Variants in BICC1 observed in about 807,000 individuals in gnomAD.
BICC1 encodes BicC family RNA binding protein 1, also known as protein bicaudal C homolog 1.
BICC1 carries 43 observed loss-of-function variants against 111.0 expected under a neutral mutation model. The observed-to-expected ratio is 0.39, with a 90% CI of 0.30 to 0.50. BICC1 has a LOEUF of 0.50. BICC1 is among the 20% of genes least tolerant of loss of function. The probability of loss-of-function intolerance (pLI) is 0.88; values close to 1 mark genes in which losing one functional copy is unlikely to be tolerated. For synonymous variants in BICC1, 467 were observed against 434.4 expected (o/e 1.07, Z -0.93); for missense variants, 1,091 against 1,203.2 (o/e 0.91, Z 1.38).
intron 3 of BICC1, among the ~76,000 whole-genome samples, chr10:58,719,381 C>G (rs145624567): frequency 1.3e-5 from 2 of 152,330 alleles, no homozygotes; most frequent in East Asian, 3.9e-4. Flanking sequence ...CCAACTCCTA[C>G]TCATCCTCAC....
At chr10:58,710,715 T>C (rs1184486175) in intron 3 of BICC1, among the ~76,000 whole-genome samples, 4 of 152,168 alleles carry the variant, frequency 2.6e-5, no homozygotes, top group Admixed American at 2.6e-4. Context: ...CTTGTTGTGT[T>C]GGTTTTCTTT....
intron 20 of BICC1, among the ~76,000 whole-genome samples, chr10:58,822,051 C>G (rs1356723796): frequency 6.6e-6 from 1 of 152,102 alleles, no homozygotes; most frequent in African/African-American, 2.4e-5. Context: ...CCTCAGGGGG[C>G]TATCCCTAGA....
chr10:58,566,162 G>A lies in BICC1; in HGVS notation c.190+52829G>A, dbSNP rs570830054. 4.8e-4 allele frequency among the ~76,000 whole-genome samples: 72 copies of A among 151,250 alleles called. No individual in the cohort carries two copies. The Middle Eastern group carries it at 0.01, about 21-fold the overall frequency. On this transcript the variant is annotated intron_variant, in intron 1 of 20. Coordinates refer to ENST00000373886, the MANE Select transcript of BICC1 (RefSeq NM_001080512.3). The stretch of plus-strand genomic sequence containing the variant: ...CTAATTCAATGATGTGTGTGTGTGT[G>A]TATATATACATATACACACGTGTGT...
At chr10:58,683,379 T>G (rs1313445172) in intron 2 of BICC1, among the ~76,000 whole-genome samples, 1 of 152,198 alleles carries the variant, frequency 6.6e-6, no homozygotes, top group Non-Finnish European at 1.5e-5. Context: ...CTTTTTTGGA[T>G]CCATATGAAC....
In BICC1 at chr10:58,768,398, G is replaced by C. The variant is rs186492406; in HGVS notation, c.308-16603G>C. 3.9e-5 allele frequency among the ~76,000 whole-genome samples: 6 copies of C among 152,226 alleles called. No homozygotes were observed. The East Asian group carries it at 1.2e-3, about 29-fold the overall frequency. Reference sequence around the variant, plus strand: ...GGAAGGAGAGATAAAGATTATCCCAGACAAACAAAAGCTAAGAGAGTTCAT... The same window carrying C: ...GGAAGGAGAGATAAAGATTATCCCACACAAACAAAAGCTAAGAGAGTTCAT... On this transcript the variant is annotated intron_variant, in intron 3 of 20. Transcript: ENST00000373886.
rs895407187 is a variant in BICC1 at position 58,785,044 on chromosome 10, A to G, written c.351A>G (p.Glu117=). The change falls in exon 4 of 21, where the codon GAA becomes GAG. Residue 117 remains glutamate (E), a synonymous_variant. Transcript: ENST00000373886. ...KVSGKKEDVK[E]AKEMIMSVLD... is the part of the protein sequence containing the mutation. ...CTGGAAAGAAAGAAGATGTTAAAGA[A>G]GCCAAGGAAATGATCATGTCTGTCT... is the stretch of plus-strand genomic sequence containing the variant. 24 of 1,600,620 alleles carry G rather than the reference A, an allele frequency of 1.5e-5. No individual in the cohort carries two copies. The highest frequency in any genetic ancestry group is 2.0e-5 in the Non-Finnish European group (24 of 1,172,846).
intron 2 of BICC1, 30 bp from the exon 3 acceptor site, chr10:58,702,044 A>T: frequency 6.4e-7 from 1 of 1,555,948 alleles, no homozygotes; most frequent in Non-Finnish European, 8.8e-7. Flanking sequence ...TTTTTAATTG[A>T]GTCAATATTT....
rs1047234972 is a variant in BICC1 at position 58,600,326 on chromosome 10, G to C, written c.191-20529G>C. Among the ~76,000 whole-genome samples the C allele has an allele frequency of 2.4e-4, 37 of 152,048 alleles. 2 individuals are homozygous for C. The stretch of plus-strand genomic sequence containing the variant: ...GCTTTCTGTTTATAGCCACTGAGTA[G>C]GTACAGTTAAGCTGACTGCATTTTA... On this transcript the variant is annotated intron_variant, in intron 1 of 20. Transcript: ENST00000373886.
intron 10 of BICC1, among the ~76,000 whole-genome samples, chr10:58,797,316 C>T (rs1287986378): frequency 6.6e-6 from 1 of 152,322 alleles, no homozygotes; most frequent in Non-Finnish European, 1.5e-5. Context: ...AGAATACTCT[C>T]AGCAGTCTTT....
chr10:58,686,089 G>T (rs1422078473), intron 2 of BICC1, among the ~76,000 whole-genome samples: 1 of 152,124 alleles, frequency 6.6e-6, no homozygotes, highest in Non-Finnish European at 1.5e-5. Flanking sequence ...GCATTTGTTT[G>T]TCTGTAAAGG....
chr10:58,556,040 A>G (rs528282897), intron 1 of BICC1, among the ~76,000 whole-genome samples: 122 of 152,198 alleles, frequency 8.0e-4, no homozygotes, highest in Middle Eastern at 3.4e-3. Context: ...TGAGAAGCCT[A>G]TTTGTAAGAT....
chr10:58,799,672 T>G (rs1843475660), intron 12 of BICC1, among the ~76,000 whole-genome samples: 1 of 152,158 alleles, frequency 6.6e-6, no homozygotes. Flanking sequence ...GCAGCTTTAT[T>G]TCTGGATTCT....
At chr10:58,635,310 G>A (rs1009714329) in intron 2 of BICC1, among the ~76,000 whole-genome samples, 2 of 152,314 alleles carry the variant, frequency 1.3e-5, no homozygotes, top group Admixed American at 1.3e-4. Flanking sequence ...TGCATTTTAT[G>A]CATTTGTTAC....
At chr10:58,610,565 T>G (rs1845384196) in intron 1 of BICC1, among the ~76,000 whole-genome samples, 1 of 152,048 alleles carries the variant, frequency 6.6e-6, no homozygotes, top group South Asian at 2.1e-4. Context: ...ATGGTTCAAT[T>G]ATTGGCCCAT....
intron 2 of BICC1, among the ~76,000 whole-genome samples, chr10:58,656,131 C>T (rs1838639058): frequency 6.6e-6 from 1 of 152,124 alleles, no homozygotes; most frequent in Non-Finnish European, 1.5e-5. Flanking sequence ...CACATACACT[C>T]TCCCAAGACT....
At chr10:58,629,850 T>C (rs925660871) in intron 2 of BICC1, among the ~76,000 whole-genome samples, 3 of 152,150 alleles carry the variant, frequency 2.0e-5, no homozygotes, top group Non-Finnish European at 4.4e-5. Context: ...AAAATTTGTT[T>C]TTTGGCCAAT....
At chr10:58,530,380 G>A (rs974199735) in intron 1 of BICC1, among the ~76,000 whole-genome samples, 42 of 151,854 alleles carry the variant, frequency 2.8e-4, no homozygotes, top group African/African-American at 1.0e-3. Context: ...ATTAAAAAGA[G>A]AGGCATTGGT....
At chr10:58,717,846 AG>A (rs1177483780) in intron 3 of BICC1, among the ~76,000 whole-genome samples, 1 of 152,172 alleles carries the variant, frequency 6.6e-6, no homozygotes, top group Non-Finnish European at 1.5e-5. Flanking sequence ...CCTACTAGGC[AG>A]GGGCTGGATT....
chr10:58,555,364 A>G (rs966183282), intron 1 of BICC1, among the ~76,000 whole-genome samples: 2 of 145,694 alleles, frequency 1.4e-5, no homozygotes, highest in African/African-American at 5.2e-5. Flanking sequence ...GTAAGCAGCA[A>G]TACTAAATGT....
Sources: gnomAD v4.1 joint callset for allele counts (sites outside exome capture counted in the v4.1 genomes callset) on GRCh38, gnomAD v4.1.1 for gene constraint, MANE v1.5 for transcripts, NCBI Gene and HGNC (gene_info 2026-07-23, HGNC 2026-07-21) for gene names.